KALRN: variants seen among roughly 807,000 people sequenced by gnomAD.
KALRN encodes kalirin.
KALRN carries 70 observed loss-of-function variants against 353.7 expected under a neutral mutation model. That is an observed-to-expected ratio of 0.20 (90% CI 0.16 to 0.24). The LOEUF (loss-of-function observed/expected upper bound fraction) is 0.24, where lower values mean the gene tolerates loss of function less well. Among genes scored for constraint, KALRN ranks in the 10% least tolerant of loss-of-function variants. The pLI is 1.00. For synonymous variants in KALRN, 1,391 were observed against 1,434.8 expected, an observed-to-expected ratio of 0.97 and a Z score of 0.69; for missense variants, 2,791 against 3,756.7, an observed-to-expected ratio of 0.74 and a Z score of 6.72.
At chr3:124,098,759 T>C (rs949786419) in intron 1 of KALRN, among the ~76,000 whole-genome samples, 2 of 152,206 alleles carry the variant, frequency 1.3e-5, no homozygotes, top group Non-Finnish European at 1.5e-5. Flanking sequence ...CTCCTACCTT[T>C]TTATGTCACC....
At chr3:124,205,401 C>T (rs1156464929) in intron 1 of KALRN, among the ~76,000 whole-genome samples, 3 of 152,208 alleles carry the variant, frequency 2.0e-5, no homozygotes, top group Admixed American at 6.5e-5. Flanking sequence ...GCTCTCGCAG[C>T]TCCTACTTGA....
At chr3:124,100,716 G>A (rs1329687412) in intron 1 of KALRN, among the ~76,000 whole-genome samples, 1 of 152,154 alleles carries the variant, frequency 6.6e-6, no homozygotes, top group African/African-American at 2.4e-5. Context: ...AAAGTGTTTT[G>A]GATTCTGGAC....
At chr3:124,396,620 G>A (rs2090190763) in intron 12 of KALRN, among the ~76,000 whole-genome samples, 1 of 152,242 alleles carries the variant, frequency 6.6e-6, no homozygotes, top group Admixed American at 6.5e-5. Context: ...TTTTGTGATG[G>A]CTTTGTGTTA....
chr3:124,690,428 CATT>C (rs1276183232), intron 51 of KALRN, among the ~76,000 whole-genome samples: 3 of 152,056 alleles, frequency 2.0e-5, no homozygotes, highest in Non-Finnish European at 4.4e-5. Flanking sequence ...AGAAAAAAAA[CATT>C]AGTGTGGACC....
intron 1 of KALRN, among the ~76,000 whole-genome samples, chr3:124,158,806 C>G (rs141112993): frequency 3.8e-4 from 58 of 152,312 alleles, no homozygotes; most frequent in African/African-American, 1.3e-3. Context: ...AAATAAAGCT[C>G]TGGCTCTGGA....
chr3:124,192,937 C>T (rs552166866), intron 1 of KALRN, among the ~76,000 whole-genome samples: 7 of 152,348 alleles, frequency 4.6e-5, no homozygotes, highest in Non-Finnish European at 1.0e-4. Context: ...CATGAGTTAA[C>T]TATTAAACTA....
intron 1 of KALRN, among the ~76,000 whole-genome samples, chr3:124,177,040 A>G (rs894525213): frequency 8.5e-5 from 13 of 152,222 alleles, no homozygotes; most frequent in African/African-American, 3.1e-4. Flanking sequence ...TTTCCTGAGA[A>G]GAGGCACACT....
chr3:124,152,585 CTTTCTTTCT>C (rs1252724493), intron 1 of KALRN: 39 of 580,002 alleles, frequency 6.7e-5, no homozygotes, highest in African/African-American at 6.0e-4. Flanking sequence ...TTCTTTCTTT[CTTTCTTTCT>C]TTTTTTTTTT....
chr3:124,572,217 G>A (rs1216523353), intron 34 of KALRN, among the ~76,000 whole-genome samples: 1 of 151,794 alleles, frequency 6.6e-6, no homozygotes, highest in Non-Finnish European at 1.5e-5. Flanking sequence ...CCAGCTGCTG[G>A]GGGTGGAGGT....
chr3:124,168,179 T>G (rs914648822), intron 1 of KALRN, among the ~76,000 whole-genome samples: 27 of 152,236 alleles, frequency 1.8e-4, no homozygotes, highest in African/African-American at 6.5e-4. Context: ...CCTCAAGAAT[T>G]ACAGTGAGAA....
At chr3:124,114,599 C>A (rs904912599) in intron 1 of KALRN, among the ~76,000 whole-genome samples, 2 of 152,200 alleles carry the variant, frequency 1.3e-5, no homozygotes, top group South Asian at 4.1e-4. Context: ...ACACTGGTGT[C>A]CTCACAGAGG....
At chr3:124,066,314 G>GA (rs1309687718) in intron 1 of KALRN, among the ~76,000 whole-genome samples, 1 of 152,204 alleles carries the variant, frequency 6.6e-6, no homozygotes, top group Non-Finnish European at 1.5e-5. Context: ...CTGCACCAGA[G>GA]AGAGTCCTGA....
rs115236782 is a variant in KALRN, at chr3:124,213,301, C to T, written c.74-14689C>T. Reference sequence around the variant, plus strand: ...CAGTTTTTCCAGTGCCATTTATTGACTACTTTATCTTTCCTCCATTGTTTT... The same window carrying T: ...CAGTTTTTCCAGTGCCATTTATTGATTACTTTATCTTTCCTCCATTGTTTT... On this transcript the variant is annotated intron_variant, in intron 1 of 59. Transcript: ENST00000682506. Among the ~76,000 whole-genome samples, 1,203 of 152,138 alleles carry T rather than the reference C, an allele frequency of 7.9e-3. 13 individuals carry two copies. The highest frequency in any genetic ancestry group is 0.027 in the African/African-American group (1,128 of 41,542).
At chr3:124,318,799 C>T (rs1021446337) in intron 6 of KALRN, among the ~76,000 whole-genome samples, 3 of 152,058 alleles carry the variant, frequency 2.0e-5, no homozygotes, top group East Asian at 1.9e-4. Flanking sequence ...GCAGAGGGGC[C>T]GTGTAGAGAG....
At chr3:124,473,808 C>T (rs751145012) in intron 25 of KALRN, among the ~76,000 whole-genome samples, 9 of 152,132 alleles carry the variant, frequency 5.9e-5, no homozygotes, top group African/African-American at 1.4e-4. Context: ...ATGATTTAAT[C>T]GGTACTGTCA....
chr3:124,087,103 C>G (rs1033252294), intron 1 of KALRN, among the ~76,000 whole-genome samples: 1 of 152,056 alleles, frequency 6.6e-6, no homozygotes, highest in African/African-American at 2.4e-5. Flanking sequence ...CCTTTATGCC[C>G]CTTCATGCAT....
intron 1 of KALRN, among the ~76,000 whole-genome samples, chr3:124,165,406 G>T (rs1429477377): frequency 6.6e-6 from 1 of 152,102 alleles, no homozygotes; most frequent in Non-Finnish European, 1.5e-5. Context: ...TGGGGCCTGG[G>T]TACCAATATT....
intron 1 of KALRN, among the ~76,000 whole-genome samples, chr3:124,126,004 C>T (rs1389895435): frequency 1.3e-5 from 2 of 152,112 alleles, no homozygotes; most frequent in Admixed American, 6.5e-5. Context: ...CCCCAAATCT[C>T]GACAGCTTAC....
At chr3:124,441,852 G>T in intron 18 of KALRN, 93 bp from the exon 19 acceptor site, 15 of 701,196 alleles carry the variant, frequency 2.1e-5, no homozygotes, top group Non-Finnish European at 3.4e-5. Context: ...AAAAGCAAAA[G>T]AAAATATGGA....
Sources: gnomAD v4.1 joint callset for allele counts (sites outside exome capture counted in the v4.1 genomes callset) on GRCh38, gnomAD v4.1.1 for gene constraint, MANE v1.5 for transcripts, NCBI Gene and HGNC (gene_info 2026-07-23, HGNC 2026-07-21) for gene names.